The following DLGAP1 variants were observed in gnomAD, a reference collection of about 807,000 sequenced individuals.
The protein encoded by DLGAP1 is DLG associated protein 1, also known as disks large-associated protein 1.
DLGAP1 carries 11 observed loss-of-function variants against 90.8 expected under a neutral mutation model. That is an observed-to-expected ratio of 0.12 (90% CI 0.08 to 0.20). DLGAP1 has a LOEUF of 0.20. Among genes scored for constraint, DLGAP1 ranks in the 10% least tolerant of loss-of-function variants. The probability of loss-of-function intolerance (pLI) is 1.00; values close to 1 mark genes in which losing one functional copy is unlikely to be tolerated. For synonymous variants in DLGAP1, 558 were observed against 540.7 expected, an observed-to-expected ratio of 1.03 and a Z score of -0.44; for missense variants, 1,050 against 1,333.8, an observed-to-expected ratio of 0.79 and a Z score of 3.31.
chr18:3,747,065 G>C (rs2063300127), intron 5 of DLGAP1, among the ~76,000 whole-genome samples: 1 of 152,120 alleles, frequency 6.6e-6, no homozygotes, highest in Non-Finnish European at 1.5e-5. Context: ...TGTTACAAAA[G>C]ATAAACTAGG....
chr18:3,558,793 G>A (rs1339036260), intron 9 of DLGAP1, among the ~76,000 whole-genome samples: 1 of 152,044 alleles, frequency 6.6e-6, no homozygotes. Context: ...ACAACATATA[G>A]TTAAGTCTTG....
At chr18:3,740,925 ATGG>A (rs1402997703) in intron 6 of DLGAP1, among the ~76,000 whole-genome samples, 5 of 136,246 alleles carry the variant, frequency 3.7e-5, no homozygotes, top group East Asian at 2.2e-4. Flanking sequence ...CACCACCACC[ATGG>A]TCATCACCAC....
At chr18:4,344,586 A>G (rs1415938836) in intron 1 of DLGAP1, among the ~76,000 whole-genome samples, 1 of 152,240 alleles carries the variant, frequency 6.6e-6, no homozygotes, top group East Asian at 1.9e-4. Flanking sequence ...GAGGCTACAA[A>G]GCTTTTAAAA....
At chr18:3,601,378 G>A (rs2057014549) in intron 7 of DLGAP1, among the ~76,000 whole-genome samples, 2 of 151,922 alleles carry the variant, frequency 1.3e-5, no homozygotes, top group Admixed American at 1.3e-4. Flanking sequence ...GAGCCACTGC[G>A]CCTGGCCCAG....
chr18:4,046,672 A>G (rs2075059505), intron 2 of DLGAP1, among the ~76,000 whole-genome samples: 1 of 152,252 alleles, frequency 6.6e-6, no homozygotes, highest in South Asian at 2.1e-4. Flanking sequence ...GTTTTTTGAA[A>G]GAAAAATAAA....
intron 3 of DLGAP1, among the ~76,000 whole-genome samples, chr18:3,890,176 C>T (rs569732184): frequency 3.3e-5 from 5 of 152,234 alleles, no homozygotes; most frequent in Non-Finnish European, 5.9e-5. Context: ...TCTGAAGTGG[C>T]CCCAACAGAA....
chr18:4,020,698 T>C (rs1013178989), intron 2 of DLGAP1, among the ~76,000 whole-genome samples: 2 of 152,220 alleles, frequency 1.3e-5, no homozygotes, highest in Non-Finnish European at 2.9e-5. Context: ...ATTTAGTTCA[T>C]AGTTTAACTT....
chr18:3,595,737 C>A (rs2056540009), intron 7 of DLGAP1, among the ~76,000 whole-genome samples: 1 of 152,210 alleles, frequency 6.6e-6, no homozygotes, highest in African/African-American at 2.4e-5. Context: ...GATTTCACGG[C>A]TCATTTTCCC....
chr18:3,702,079 C>T (rs2061297912), intron 7 of DLGAP1, among the ~76,000 whole-genome samples: 1 of 152,152 alleles, frequency 6.6e-6, no homozygotes, highest in African/African-American at 2.4e-5. Context: ...GAGACAGAGT[C>T]TCATACTTGT....
rs918596949 is a variant in DLGAP1, at chr18:4,120,798, C to G, written c.-159+30382G>C. On this transcript the variant is annotated intron_variant, in intron 2 of 12. Coordinates refer to ENST00000315677, the MANE Select transcript of DLGAP1 (RefSeq NM_004746.4). ...TTTCTCTCTCTCCCTCTCCCTCCCT[C>G]CTTCTCTCCTCTTTCTTTTTCTTTC... Among the ~76,000 whole-genome samples, 43 of 145,122 alleles carry G rather than the reference C, an allele frequency of 3.0e-4. 1 individual carries two copies. Among genetic ancestry groups the G allele is most frequent in the Admixed American group, 2.2e-3 (32 of 14,600 alleles).
chr18:4,154,116 G>C (rs546892616), intron 1 of DLGAP1, among the ~76,000 whole-genome samples: 1 of 152,184 alleles, frequency 6.6e-6, no homozygotes, highest in African/African-American at 2.4e-5. Context: ...AGGCTGGAGT[G>C]CAGTGGTGCG....
intron 1 of DLGAP1, among the ~76,000 whole-genome samples, chr18:4,161,881 G>T (rs777238618): frequency 1.4e-4 from 21 of 152,178 alleles, no homozygotes; most frequent in Non-Finnish European, 2.8e-4. Context: ...AGCACAGAGA[G>T]ATTAAGTGGC....
At chr18:4,233,513 A>C (rs2078341852) in intron 1 of DLGAP1, among the ~76,000 whole-genome samples, 1 of 152,166 alleles carries the variant, frequency 6.6e-6, no homozygotes, top group African/African-American at 2.4e-5. Context: ...ACATTATATC[A>C]ACATGATTTA....
At chr18:4,142,621 G>A (rs191202043) in intron 2 of DLGAP1, among the ~76,000 whole-genome samples, 3 of 152,188 alleles carry the variant, frequency 2.0e-5, no homozygotes, top group Admixed American at 2.0e-4. Flanking sequence ...AGTATAGAAC[G>A]GCAAAATAGT....
At position 3,879,158 on chromosome 18, in the gene DLGAP1, A is replaced by G; in HGVS notation, c.911T>C (p.Val304Ala). Residue 304 changes from valine to alanine, a missense_variant, in exon 4 of 13, where the codon GTG becomes GCG. Transcript: ENST00000315677. The surrounding 1 kb of genome is among the most constrained non-coding windows in gnomAD (Gnocchi z 6.6). ...KASVNMDQAM[V>A]KSESCQQERS... is the part of the protein sequence containing the mutation. ...TTCTTGCTGACACGACTCGGACTTC[A>G]CCATGGCCTGGTCCATGTTCACCGA... 1.3e-6 allele frequency: 2 copies of G among 1,512,484 alleles called. No homozygotes were observed. Among genetic ancestry groups the G allele is most frequent in the Non-Finnish European group, 1.8e-6 (2 of 1,130,584 alleles). 93.7% of individuals were successfully genotyped at this position (1,512,484 alleles called of 1,614,324 possible).
At chr18:3,598,926 C>A (rs1184601048) in intron 7 of DLGAP1, among the ~76,000 whole-genome samples, 1 of 151,920 alleles carries the variant, frequency 6.6e-6, no homozygotes, top group Non-Finnish European at 1.5e-5. Flanking sequence ...GCGGGCGCCA[C>A]CACACCCGGC....
chr18:3,544,296 C>T (rs594605), intron 9 of DLGAP1, among the ~76,000 whole-genome samples: 80,313 of 151,892 alleles, frequency 0.53, 25,994 homozygotes, highest in Non-Finnish European at 0.69. Context: ...GGCTGAGGCG[C>T]GAGATTGCTT....
Position 3,561,971 on chromosome 18 carries a change from G to A in DLGAP1, c.2057+5519C>T, listed in dbSNP as rs555181474. Among the ~76,000 whole-genome samples the A allele has an allele frequency of 5.4e-4, 82 of 150,892 alleles. 3 individuals are homozygous for A. The South Asian group carries it at 0.015, about 28-fold the overall frequency. ...TAACCGGGCACTGTGGCTCACGTCT[G>A]TAATCCCAGCACTTTGGGAGGCCGA... On this transcript the variant is annotated intron_variant, in intron 9 of 12. Transcript: ENST00000315677.
chr18:3,763,685 C>T (rs373135434), intron 5 of DLGAP1, among the ~76,000 whole-genome samples: 39 of 148,202 alleles, frequency 2.6e-4, no homozygotes, highest in Non-Finnish European at 3.6e-4. Context: ...TTTTTTGAGA[C>T]GGAGTTTCAC....
Sources: allele counts gnomAD v4.1 joint callset (sites outside exome capture counted in the v4.1 genomes callset), GRCh38; gene constraint gnomAD v4.1.1; non-coding constraint Gnocchi (gnomAD v3.1); transcripts MANE v1.5; gene names NCBI Gene and HGNC (gene_info 2026-07-23, HGNC 2026-07-21).